DNAJC16: variants seen among roughly 807,000 people sequenced by gnomAD.
The protein encoded by DNAJC16 is DnaJ heat shock protein family (Hsp40) member C16.
DNAJC16 carries 76 observed loss-of-function variants against 92.7 expected under a neutral mutation model. The observed-to-expected ratio is 0.82, with a 90% confidence interval of 0.68 to 0.99. DNAJC16 has a LOEUF of 0.99. DNAJC16 is among the 50% of genes least tolerant of loss of function. The pLI is 0.00. For missense variants in DNAJC16, 869 were observed against 942.4 expected (o/e 0.92, Z 1.02); for synonymous variants, 328 against 358.7 (o/e 0.91, Z 0.97).
In DNAJC16 at chr1:15,536,806, A is replaced by C; in HGVS notation, c.566A>C (p.Glu189Ala). ...TGGAAAGAAGTCATTCAAGAACTGG[A>C]AGAATTGGGTAAGATAATTTTATTC... ...PVWKEVIQEL[E>A]ELGVGIGVVH... The change falls in exon 4 of 15, where the codon GAA (glutamate) becomes GCA (alanine). Residue 189 changes from glutamate to alanine, a missense_variant. Physicochemically the swap from Glu to Ala is moderately radical, Grantham distance 107. Transcript: ENST00000375847. 6.3e-7 allele frequency: 1 copy of C among 1,596,120 alleles called. No homozygotes were observed. The highest frequency in any genetic ancestry group is 8.5e-7 in the Non-Finnish European group (1 of 1,173,862).
At chr1:15,547,806 C>T (rs891724035) in intron 6 of DNAJC16, among the ~76,000 whole-genome samples, 20 of 152,120 alleles carry the variant, frequency 1.3e-4, no homozygotes, top group African/African-American at 4.6e-4. Flanking sequence ...CACCCAAGTT[C>T]TCACTACAGC....
At chr1:15,528,625 G>T (rs1049531633) in intron 1 of DNAJC16, among the ~76,000 whole-genome samples, 7 of 152,142 alleles carry the variant, frequency 4.6e-5, no homozygotes, top group Non-Finnish European at 1.0e-4. Flanking sequence ...ATCTCATTTT[G>T]TAGTTTTGTA....
At chr1:15,544,185 C>CACACACACACACACACACACACACACA (rs995957267) in intron 4 of DNAJC16, among the ~76,000 whole-genome samples, 1 of 147,902 alleles carries the variant, frequency 6.8e-6, no homozygotes, top group Non-Finnish European at 1.5e-5. Flanking sequence ...CACACACACA[C>CACACACACACACACACACACACACACA]ATTTGTAACT....
intron 8 of DNAJC16, among the ~76,000 whole-genome samples, chr1:15,561,626 G>A (rs1456099001): frequency 6.6e-6 from 1 of 151,832 alleles, no homozygotes; most frequent in Non-Finnish European, 1.5e-5. Context: ...CGGAGTTACA[G>A]TGAGCCGAGA....
intron 13 of DNAJC16, chr1:15,566,468 C>T (rs1008692656): frequency 3.6e-5 from 14 of 389,026 alleles, no homozygotes; most frequent in Non-Finnish European, 5.2e-5. Context: ...TGTCAATGAA[C>T]GTAACCAGTC....
intron 4 of DNAJC16, 146 bp downstream of exon 4, chr1:15,536,960 C>G: frequency 1.6e-6 from 1 of 639,304 alleles, no homozygotes; most frequent in Non-Finnish European, 2.5e-6. Context: ...AAGTGATTCT[C>G]CTGCCTCAAC....
rs1429696927 is a variant in DNAJC16, at chr1:15,526,910, A to G, written c.-67A>G. The G allele has an allele frequency of 6.6e-6, 1 of 152,358 alleles. No homozygotes were observed. 9.4% of individuals were successfully genotyped at this position (152,358 alleles called of 1,614,324 possible). The stretch of plus-strand genomic sequence containing the variant: ...GGACGGGAAGCTCCCGGCCCGGCGA[A>G]CTAACTGGAGCACGGAGCTGCAGCC... On this transcript the variant is annotated 5_prime_UTR_variant, in exon 1 of 15. Transcript: ENST00000375847.
chr1:15,539,791 G>T (rs1710888701), intron 4 of DNAJC16, among the ~76,000 whole-genome samples: 2 of 152,052 alleles, frequency 1.3e-5, no homozygotes, highest in South Asian at 4.1e-4. Flanking sequence ...ACTTCGATAG[G>T]CTGAGGTGCA....
chr1:15,548,491 A>C, intron 7 of DNAJC16, 63 bp downstream of exon 7: 2 of 1,494,800 alleles, frequency 1.3e-6, no homozygotes, highest in South Asian at 2.7e-5. Flanking sequence ...TTATGTAAAT[A>C]AACAGCAAAA....
intron 2 of DNAJC16, 34 bp from the exon 3 acceptor site, chr1:15,534,203 A>G: frequency 6.2e-7 from 1 of 1,612,634 alleles, no homozygotes; most frequent in Non-Finnish European, 8.5e-7. Flanking sequence ...TAAAAGTTAC[A>G]TCCTTTCTCA....
chr1:15,537,007 C>T (rs369643933), intron 4 of DNAJC16, among the ~76,000 whole-genome samples, 193 bp downstream of exon 4: 4 of 152,016 alleles, frequency 2.6e-5, no homozygotes, highest in East Asian at 1.9e-4. Context: ...CCCACCATCA[C>T]GCCCAGCTAA....
intron 3 of DNAJC16, among the ~76,000 whole-genome samples, chr1:15,535,533 T>C (rs1183090477): frequency 6.6e-6 from 1 of 152,116 alleles, no homozygotes; most frequent in Non-Finnish European, 1.5e-5. Context: ...TGCAGATCGC[T>C]TAAGCTGAGG....
At position 15,527,991 on chromosome 1, in the gene DNAJC16, A is replaced by G. The variant is rs76574431; in HGVS notation, c.-19+1033A>G. On this transcript the variant is annotated intron_variant, in intron 1 of 14. Coordinates refer to ENST00000375847, the MANE Select transcript of DNAJC16 (RefSeq NM_015291.4). ...CCAGCCAGGATTATTTCCAAAATTCACAATGAATTAAGTCACTGTACTCAC... is the reference window on the plus strand; with the variant it reads ...CCAGCCAGGATTATTTCCAAAATTCGCAATGAATTAAGTCACTGTACTCAC... Among the ~76,000 whole-genome samples, 251 of 152,382 alleles carry G rather than the reference A, an allele frequency of 1.6e-3. 1 individual carries two copies. The highest frequency in any genetic ancestry group is 5.7e-3 in the African/African-American group (237 of 41,594).
chr1:15,549,455 T>G (rs1008734427), intron 7 of DNAJC16, among the ~76,000 whole-genome samples: 1 of 152,186 alleles, frequency 6.6e-6, no homozygotes, highest in South Asian at 2.1e-4. Flanking sequence ...TACCCCTTTT[T>G]CAGTTTCTGA....
intron 2 of DNAJC16, among the ~76,000 whole-genome samples, chr1:15,533,066 A>G (rs1159972432): frequency 6.6e-6 from 1 of 152,234 alleles, no homozygotes; most frequent in Non-Finnish European, 1.5e-5. Context: ...GAAGTTACCA[A>G]AAGTGATTAT....
At chr1:15,528,984 TTTG>T in intron 1 of DNAJC16, 101 bp from the exon 2 acceptor site, 1 of 965,328 alleles carries the variant, frequency 1.0e-6, no homozygotes, top group African/African-American at 1.6e-5. Flanking sequence ...CAAAATACCT[TTTG>T]TTGGTTTTGT....
intron 2 of DNAJC16, among the ~76,000 whole-genome samples, chr1:15,533,694 A>G (rs1250569942): frequency 6.6e-6 from 1 of 152,336 alleles, no homozygotes; most frequent in East Asian, 1.9e-4. Flanking sequence ...AGCAATCGTA[A>G]TAATAACGAA....
In DNAJC16 at chr1:15,529,702, A is replaced by C. The variant is rs115866054; in HGVS notation, c.167+430A>C. Among the ~76,000 whole-genome samples, 945 of 152,312 alleles carry C rather than the reference A, an allele frequency of 6.2e-3. 11 individuals are homozygous for C. The highest frequency in any genetic ancestry group is 0.021 in the African/African-American group (863 of 41,558). On this transcript the variant is annotated intron_variant, in intron 2 of 14. Transcript: ENST00000375847. ...TTATTAATTTCTACACTTTGAAAAA[A>C]AGTTAAGAGTAATAGCCTTTTGCCT... is the stretch of plus-strand genomic sequence containing the variant.
At chr1:15,550,723 C>T (rs966438077) in intron 7 of DNAJC16, among the ~76,000 whole-genome samples, 1 of 152,216 alleles carries the variant, frequency 6.6e-6, no homozygotes. Context: ...TTGACATTTA[C>T]ACTGATAGTA....
Sources: allele counts gnomAD v4.1 joint callset (sites outside exome capture counted in the v4.1 genomes callset), GRCh38; gene constraint gnomAD v4.1.1; transcripts MANE v1.5; gene names NCBI Gene and HGNC (gene_info 2026-07-23, HGNC 2026-07-21).